Variants in ANKS1B observed in about 807,000 individuals in gnomAD.
ANKS1B encodes ankyrin repeat and sterile alpha motif domain containing 1B, also known as ankyrin repeat and sterile alpha motif domain-containing protein 1B.
ANKS1B carries 36 observed loss-of-function variants against 148.3 expected under a neutral mutation model. The observed-to-expected ratio is 0.24, with a 90% CI of 0.19 to 0.32. ANKS1B has a LOEUF of 0.32. Among genes scored for constraint, ANKS1B ranks in the 10% least tolerant of loss-of-function variants. ANKS1B has a pLI of 1.00. For missense variants in ANKS1B, 1,157 were observed against 1,542.6 expected (o/e 0.75, Z 4.19); for synonymous variants, 542 against 560.8 (o/e 0.97, Z 0.47).
intron 9 of ANKS1B, among the ~76,000 whole-genome samples, chr12:99,532,080 T>C (rs2097000694): frequency 6.6e-6 from 1 of 152,160 alleles, no homozygotes; most frequent in African/African-American, 2.4e-5. Context: ...GAGTTCCTTA[T>C]AGATTCTGCA....
Position 99,025,212 on chromosome 12 carries a change from A to G in ANKS1B, c.2778+27945T>C, listed in dbSNP as rs369106545. Reference sequence around the variant, plus strand: ...CATTTTCTCTTCATCTGCCTCTAATATGATATTTTTAAAATGTAAATGATT... The same window carrying G: ...CATTTTCTCTTCATCTGCCTCTAATGTGATATTTTTAAAATGTAAATGATT... On this transcript the variant is annotated intron_variant, in intron 17 of 26. Transcript: ENST00000683438. Among the ~76,000 whole-genome samples the G allele has an allele frequency of 5.4e-4, 83 of 152,318 alleles. No individual in the cohort carries two copies. In the South Asian group the frequency reaches 7.5e-3, roughly 14 times the overall value.
intron 12 of ANKS1B, among the ~76,000 whole-genome samples, chr12:99,352,989 T>C (rs2152393930): frequency 6.6e-6 from 1 of 152,162 alleles, no homozygotes; most frequent in East Asian, 1.9e-4. Flanking sequence ...TAATTCAAAT[T>C]GTAATTAGAC....
intron 4 of ANKS1B, among the ~76,000 whole-genome samples, chr12:99,789,929 T>C (rs2065445573): frequency 1.3e-5 from 2 of 151,482 alleles, no homozygotes; most frequent in African/African-American, 4.9e-5. Flanking sequence ...GAGAAATAGT[T>C]AGGGGTAGAA....
intron 8 of ANKS1B, among the ~76,000 whole-genome samples, chr12:99,692,132 T>C (rs1213030015): frequency 6.6e-6 from 1 of 152,146 alleles, no homozygotes; most frequent in Non-Finnish European, 1.5e-5. Flanking sequence ...ATCACTGAGA[T>C]TTAAGCATGG....
At chr12:99,798,432 A>AAAAAC (rs1555618331) in intron 4 of ANKS1B, among the ~76,000 whole-genome samples, 1 of 114,554 alleles carries the variant, frequency 8.7e-6, no homozygotes, top group Admixed American at 9.1e-5. Context: ...TTAAAAAAAA[A>AAAAAC]AAAAAAAAAA....
chr12:99,734,346 G>A (rs188912700), intron 8 of ANKS1B, among the ~76,000 whole-genome samples: 75 of 152,062 alleles, frequency 4.9e-4, no homozygotes, highest in African/African-American at 1.8e-3. Flanking sequence ...AGGCTGGAGT[G>A]CAATGGCATG....
intron 9 of ANKS1B, among the ~76,000 whole-genome samples, chr12:99,515,505 A>ATCTC (rs2096808787): frequency 6.6e-6 from 1 of 152,106 alleles, no homozygotes; most frequent in Non-Finnish European, 1.5e-5. Context: ...AAATAAAAGG[A>ATCTC]TCTCTCTTTT....
intron 9 of ANKS1B, among the ~76,000 whole-genome samples, chr12:99,637,804 A>G (rs1287770785): frequency 1.4e-5 from 2 of 147,054 alleles, no homozygotes; most frequent in East Asian, 3.9e-4. Context: ...TATATATATA[A>G]TATATATATA....
intron 9 of ANKS1B, among the ~76,000 whole-genome samples, chr12:99,534,346 A>C (rs1477188623): frequency 1.3e-5 from 2 of 152,242 alleles, no homozygotes; most frequent in Admixed American, 1.3e-4. Flanking sequence ...AATTACAGTC[A>C]CCACTTCAGT....
At chr12:98,800,690 A>ATATATATATATATATATATATATG in intron 21 of ANKS1B, among the ~76,000 whole-genome samples, 32 of 138,000 alleles carry the variant, frequency 2.3e-4, no homozygotes, top group African/African-American at 7.8e-4. Context: ...ATATATATAT[A>ATATATATATATATATATATATATG]TGCCATATTT....
intron 9 of ANKS1B, among the ~76,000 whole-genome samples, chr12:99,522,153 C>T (rs2096881477): frequency 6.6e-6 from 1 of 152,088 alleles, no homozygotes; most frequent in South Asian, 2.1e-4. Flanking sequence ...ATTATGGATC[C>T]TAGACTTGTT....
chr12:99,462,712 T>C (rs1411955360), intron 10 of ANKS1B, among the ~76,000 whole-genome samples: 1 of 152,186 alleles, frequency 6.6e-6, no homozygotes, highest in Non-Finnish European at 1.5e-5. Context: ...AAATCTCATG[T>C]TGAAATGTGT....
chr12:99,592,200 G>T (rs1465481728), intron 9 of ANKS1B, among the ~76,000 whole-genome samples: 5 of 152,050 alleles, frequency 3.3e-5, no homozygotes, highest in Admixed American at 2.6e-4. Flanking sequence ...TAGCAAAATT[G>T]TAATGACTAG....
intron 8 of ANKS1B, among the ~76,000 whole-genome samples, chr12:99,707,167 A>G (rs754244805): frequency 6.6e-6 from 1 of 152,134 alleles, no homozygotes; most frequent in Admixed American, 6.6e-5. Flanking sequence ...GTTACAAAAC[A>G]AAGATTGTTG....
chr12:98,979,104 T>C (rs187307319), intron 17 of ANKS1B, among the ~76,000 whole-genome samples: 712 of 151,626 alleles, frequency 4.7e-3, no homozygotes, highest in African/African-American at 0.016. Flanking sequence ...ATTGCGCCAC[T>C]GCACTCTAGC....
At chr12:99,491,171 G>T (rs1245245485) in intron 10 of ANKS1B, among the ~76,000 whole-genome samples, 1 of 152,102 alleles carries the variant, frequency 6.6e-6, no homozygotes, top group Non-Finnish European at 1.5e-5. Flanking sequence ...TGGGCGCAGT[G>T]GTGGGTGCCT....
intron 14 of ANKS1B, among the ~76,000 whole-genome samples, chr12:99,165,746 T>C (rs1033599499): frequency 6.6e-6 from 1 of 151,870 alleles, no homozygotes. Flanking sequence ...TCCAGAAAGT[T>C]GAGGAGAGAG....
At chr12:98,822,439 T>C (rs1448066116) in intron 19 of ANKS1B, among the ~76,000 whole-genome samples, 2 of 152,224 alleles carry the variant, frequency 1.3e-5, no homozygotes, top group East Asian at 3.9e-4. Flanking sequence ...TTCTGAAAAT[T>C]TAACAAGTGG....
chr12:99,643,805 A>G (rs1225089818), intron 9 of ANKS1B, among the ~76,000 whole-genome samples: 1 of 152,204 alleles, frequency 6.6e-6, no homozygotes, highest in Non-Finnish European at 1.5e-5. Flanking sequence ...TCATCTCATC[A>G]TAATTCAGAT....
Sources: allele counts gnomAD v4.1 joint callset (sites outside exome capture counted in the v4.1 genomes callset), GRCh38; gene constraint gnomAD v4.1.1; transcripts MANE v1.5; gene names NCBI Gene and HGNC (gene_info 2026-07-23, HGNC 2026-07-21).